Variants in DTNBP1 observed in about 807,000 individuals in gnomAD.
The protein encoded by DTNBP1 is dystrobrevin binding protein 1, also known as dysbindin.
DTNBP1 carries 35 observed loss-of-function variants against 42.8 expected under a neutral mutation model. The observed-to-expected ratio is 0.82, with a 90% confidence interval of 0.63 to 1.09. The LOEUF is 1.09. Ranked by LOEUF, DTNBP1 falls within the 50% of genes least tolerant of loss-of-function variation. The probability of loss-of-function intolerance (pLI) is 0.00; values close to 1 mark genes in which losing one functional copy is unlikely to be tolerated. For missense variants in DTNBP1, 457 were observed against 424.2 expected (o/e 1.08, Z -0.68); for synonymous variants, 171 against 162.2 (o/e 1.05, Z -0.41).
intron 8 of DTNBP1, among the ~76,000 whole-genome samples, chr6:15,525,274 G>A (rs569955149): frequency 9.8e-4 from 150 of 152,300 alleles, no homozygotes; most frequent in Non-Finnish European, 1.3e-3. Flanking sequence ...GCCTCTGCCC[G>A]GGCACTGAGC....
intron 4 of DTNBP1, among the ~76,000 whole-genome samples, chr6:15,632,871 A>G (rs2113755436): frequency 6.6e-6 from 1 of 152,366 alleles, no homozygotes; most frequent in Admixed American, 6.5e-5. Context: ...ATAGGCATAC[A>G]TTGAAGAATG....
At chr6:15,651,417 A>T in intron 2 of DTNBP1, 54 bp from the exon 3 acceptor site, 3 of 1,605,456 alleles carry the variant, frequency 1.9e-6, no homozygotes, top group Non-Finnish European at 2.5e-6. Flanking sequence ...AACTGAAAAA[A>T]AAAAAAAGGT....
Position 15,593,055 on chromosome 6 carries a change from T to C in DTNBP1, c.511+4A>G. The C allele has an allele frequency of 2.5e-6, 4 of 1,587,442 alleles. No homozygotes were observed. Among genetic ancestry groups the C allele is most frequent in the Non-Finnish European group, 3.4e-6 (4 of 1,165,574 alleles). ...TTTAAAGTGAAGAATTAACACAAAA[T>C]TACCTTTGAAGGTTTCAAGTTCCTT... On this transcript the variant is annotated splice_donor_region_variant and intron_variant, in intron 7 of 9. Transcript: ENST00000344537.
At chr6:15,575,119 G>A (rs370583991) in intron 7 of DTNBP1, among the ~76,000 whole-genome samples, 10 of 152,216 alleles carry the variant, frequency 6.6e-5, no homozygotes, top group South Asian at 2.1e-4. Flanking sequence ...GCCAAGCTGC[G>A]TGTGACTTTC....
intron 8 of DTNBP1, among the ~76,000 whole-genome samples, chr6:15,530,859 G>A (rs1772769960): frequency 6.6e-6 from 1 of 152,162 alleles, no homozygotes; most frequent in Non-Finnish European, 1.5e-5. Flanking sequence ...TTGGTGCGAT[G>A]TGTCATTATG....
chr6:15,620,574 T>G (rs1758987376), intron 5 of DTNBP1, among the ~76,000 whole-genome samples: 1 of 152,212 alleles, frequency 6.6e-6, no homozygotes, highest in Non-Finnish European at 1.5e-5. Flanking sequence ...GAAGCAATAT[T>G]CAGCTCATTC....
At chr6:15,565,104 G>A (rs1775011080) in intron 7 of DTNBP1, among the ~76,000 whole-genome samples, 1 of 152,024 alleles carries the variant, frequency 6.6e-6, no homozygotes, top group Non-Finnish European at 1.5e-5. Flanking sequence ...CCCTGTCTCA[G>A]GAAAATAAAA....
intron 7 of DTNBP1, among the ~76,000 whole-genome samples, chr6:15,565,478 A>G (rs1775030609): frequency 6.6e-6 from 1 of 152,244 alleles, no homozygotes; most frequent in Non-Finnish European, 1.5e-5. Context: ...ATATATCCAT[A>G]CGATGGGTAC....
chr6:15,634,089 TGTTC>T (rs1460382678), intron 4 of DTNBP1, among the ~76,000 whole-genome samples: 2 of 152,214 alleles, frequency 1.3e-5, no homozygotes, highest in Non-Finnish European at 2.9e-5. Context: ...CTGTGTCCTA[TGTTC>T]TAGGTGTTTC....
intron 5 of DTNBP1, among the ~76,000 whole-genome samples, chr6:15,615,858 C>T (rs1311278905): frequency 1.3e-5 from 2 of 152,238 alleles, no homozygotes; most frequent in African/African-American, 4.8e-5. Context: ...GCCTCTGGCA[C>T]ATCACATACA....
rs114100969 is a variant in DTNBP1, at chr6:15,659,026, A to G, written c.56+3788T>C. 2.4e-3 allele frequency among the ~76,000 whole-genome samples: 368 copies of G among 152,334 alleles called. 1 individual carries two copies. Among genetic ancestry groups the G allele is most frequent in the African/African-American group, 8.4e-3 (351 of 41,590 alleles). On this transcript the variant is annotated intron_variant, in intron 1 of 9. Transcript: ENST00000344537. ...AATTTACAAAAAAGGCCATAAGTCCATGGACAACCTAGAGCTCCCCCCAAA... is the reference window on the plus strand; with the variant it reads ...AATTTACAAAAAAGGCCATAAGTCCGTGGACAACCTAGAGCTCCCCCCAAA...
intron 7 of DTNBP1, among the ~76,000 whole-genome samples, chr6:15,566,334 A>C (rs1775080061): frequency 6.6e-6 from 1 of 151,804 alleles, no homozygotes; most frequent in African/African-American, 2.4e-5. Context: ...AAAAAAAAAA[A>C]AATTCTAAGC....
rs550775767 is a variant in DTNBP1 at position 15,589,916 on chromosome 6, T to C, written c.511+3143A>G. Among the ~76,000 whole-genome samples the C allele has an allele frequency of 3.3e-5, 5 of 152,324 alleles. No individual in the cohort carries two copies. The East Asian group carries it at 9.7e-4, about 29-fold the overall frequency. ...GAATAGTTAGTTCATGTCACCTTTATTTCCTAACTACTCATACACTTCTTT... is the reference window on the plus strand; with the variant it reads ...GAATAGTTAGTTCATGTCACCTTTACTTCCTAACTACTCATACACTTCTTT... On this transcript the variant is annotated intron_variant, in intron 7 of 9. Coordinates refer to ENST00000344537, the MANE Select transcript of DTNBP1 (RefSeq NM_032122.5).
intron 7 of DTNBP1, among the ~76,000 whole-genome samples, chr6:15,553,168 T>C (rs1169406751): frequency 6.6e-6 from 1 of 152,154 alleles, no homozygotes; most frequent in Admixed American, 6.5e-5. Context: ...TACTGCCCTG[T>C]TATATTTGCA....
At chr6:15,608,340 TATAAATAA>T (rs532286625) in intron 6 of DTNBP1, among the ~76,000 whole-genome samples, 67 of 152,158 alleles carry the variant, frequency 4.4e-4, no homozygotes, top group South Asian at 3.5e-3. Flanking sequence ...TAATTCAAGT[TATAAATAA>T]ATAAATAAAT....
chr6:15,523,539 T>C, intron 9 of DTNBP1: 1 of 1,275,224 alleles, frequency 7.8e-7, no homozygotes, highest in East Asian at 5.0e-5. Context: ...GAGCAGTCCT[T>C]GTAACCTTGA....
chr6:15,566,581 CAT>C (rs1417228055), intron 7 of DTNBP1, among the ~76,000 whole-genome samples: 8 of 152,004 alleles, frequency 5.3e-5, no homozygotes, highest in Non-Finnish European at 1.0e-4. Context: ...CATAACCTCA[CAT>C]GACAGATAAA....
chr6:15,623,524 C>T (rs1214888641), intron 5 of DTNBP1, among the ~76,000 whole-genome samples: 1 of 151,954 alleles, frequency 6.6e-6, no homozygotes, highest in African/African-American at 2.4e-5. Context: ...CATGCTACAG[C>T]CTGAACAACA....
Position 15,652,666 on chromosome 6 carries a change from T to C in DTNBP1, c.57-526A>G, listed in dbSNP as rs1053149272. ...TTTTTAAGAGATGGTCTCACTCTGT[T>C]GCCCAGGCTAGAGTATAGTGGTGCG... On this transcript the variant is annotated intron_variant, in intron 1 of 9. Transcript: ENST00000344537. Among the ~76,000 whole-genome samples, 7 of 152,316 alleles carry C rather than the reference T, an allele frequency of 4.6e-5. No individual in the cohort carries two copies. The South Asian group carries it at 6.2e-4, about 14-fold the overall frequency.
Sources: gnomAD v4.1 joint callset for allele counts (sites outside exome capture counted in the v4.1 genomes callset) on GRCh38, gnomAD v4.1.1 for gene constraint, MANE v1.5 for transcripts, NCBI Gene and HGNC (gene_info 2026-07-23, HGNC 2026-07-21) for gene names.